VRTN: variants seen among roughly 807,000 people sequenced by gnomAD.
VRTN encodes vertebrae development associated, also known as vertnin.
A neutral mutation model predicts 18.2 loss-of-function variants in VRTN; 5 were observed. That is an observed-to-expected ratio of 0.27 (90% CI 0.14 to 0.58). The LOEUF is 0.58. VRTN is among the 20% of genes least tolerant of loss of function. The pLI, the probability that VRTN is intolerant of heterozygous loss-of-function variation, is 0.91. For synonymous variants in VRTN, 381 were observed against 393.7 expected, an observed-to-expected ratio of 0.97 and a Z score of 0.38; for missense variants, 741 against 939.4, an observed-to-expected ratio of 0.79 and a Z score of 2.76.
chr14:74,335,440 T>C (rs1372232471), intron 1 of VRTN, among the ~76,000 whole-genome samples: 1 of 152,200 alleles, frequency 6.6e-6, no homozygotes, highest in African/African-American at 2.4e-5. Context: ...ATTGGCTAGT[T>C]TGATCTAATC....
At chr14:74,335,327 A>C (rs966209090) in intron 1 of VRTN, among the ~76,000 whole-genome samples, 3 of 152,200 alleles carry the variant, frequency 2.0e-5, no homozygotes, top group Non-Finnish European at 4.4e-5. Flanking sequence ...AGACACATCC[A>C]ATAACCCTCA....
chr14:74,329,046 G>A (rs1235382153), intron 1 of VRTN, among the ~76,000 whole-genome samples: 1 of 152,146 alleles, frequency 6.6e-6, no homozygotes, highest in Non-Finnish European at 1.5e-5. Context: ...CGAGGAGGGC[G>A]GATCACCTGA....
intron 1 of VRTN, among the ~76,000 whole-genome samples, chr14:74,323,606 A>G (rs2085469505): frequency 6.6e-6 from 1 of 151,788 alleles, no homozygotes; most frequent in African/African-American, 2.4e-5. Context: ...CAAACCAACA[A>G]ACAAACAAAA....
Position 74,354,944 on chromosome 14 carries a change from C to T in VRTN, c.-1-1839C>T, listed in dbSNP as rs150268652. ...ATCATTTGAGGTCAGGAGTTTGAGA[C>T]CAGCCTGGCCAACATGGTGAAACCC... is the stretch of plus-strand genomic sequence containing the variant. On this transcript the variant is annotated intron_variant, in intron 1 of 1. Transcript: ENST00000256362. Among the ~76,000 whole-genome samples, 114 of 151,820 alleles carry T rather than the reference C, an allele frequency of 7.5e-4. 1 individual carries two copies. The highest frequency in any genetic ancestry group is 2.6e-3 in the African/African-American group (108 of 41,414).
chr14:74,306,165 TATATA>T lies in VRTN; in HGVS notation c.-164+2990_-164+2994del, dbSNP rs1184030436. The T allele has an allele frequency of 9.2e-3, 680 of 74,236 alleles. 11 individuals are homozygous for T. The highest frequency in any genetic ancestry group is 0.02 in the Middle Eastern group (2 of 102). The allele number at this position is 74,236 out of a possible 1,614,324, so 4.6% of individuals were successfully genotyped here. On this transcript the variant is annotated intron_variant, in intron 1 of 2. Transcript: ENST00000557177. ...ATATACATATATATATATATATATATATATATATTTTTTTTTTTTTTTTGAGACAG... is the reference window on the plus strand; with the variant it reads ...ATATACATATATATATATATATATATTATTTTTTTTTTTTTTTTGAGACAG...
intron 1 of VRTN, among the ~76,000 whole-genome samples, chr14:74,351,624 G>A (rs1331519731): frequency 6.6e-6 from 1 of 151,176 alleles, no homozygotes; most frequent in Non-Finnish European, 1.5e-5. Context: ...TGGGACTACA[G>A]GCACATGCTA....
At chr14:74,308,672 G>A (rs532416249) in intron 1 of VRTN, among the ~76,000 whole-genome samples, 2 of 152,026 alleles carry the variant, frequency 1.3e-5, no homozygotes, top group East Asian at 3.9e-4. Context: ...CCGCCACCAC[G>A]CACAGCTAAT....
intron 1 of VRTN, among the ~76,000 whole-genome samples, chr14:74,316,841 G>A (rs1253751398): frequency 6.6e-6 from 1 of 151,848 alleles, no homozygotes; most frequent in Non-Finnish European, 1.5e-5. Flanking sequence ...GTTTCACTGT[G>A]TTAGCCAGGA....
intron 1 of VRTN, among the ~76,000 whole-genome samples, chr14:74,354,025 C>T (rs766328056): frequency 1.1e-4 from 17 of 152,074 alleles, no homozygotes; most frequent in Non-Finnish European, 1.8e-4. Context: ...CTGCCTGCCT[C>T]GGCCTATCTT....
upstream of VRTN, among the ~76,000 whole-genome samples, chr14:74,344,674 G>T (rs2085630974): frequency 7.2e-6 from 1 of 138,382 alleles, no homozygotes; most frequent in Non-Finnish European, 1.5e-5. Context: ...GGCAGAGGTT[G>T]CAGTGAGCTG....
chr14:74,312,300 C>G (rs1464559144), intron 1 of VRTN, among the ~76,000 whole-genome samples: 2 of 152,144 alleles, frequency 1.3e-5, no homozygotes, highest in African/African-American at 2.4e-5. Flanking sequence ...AAGATAGGCT[C>G]CATATTTTGT....
At chr14:74,349,943 C>T (rs115341338) in intron 1 of VRTN, among the ~76,000 whole-genome samples, 374 of 152,218 alleles carry the variant, frequency 2.5e-3, no homozygotes, top group African/African-American at 8.4e-3. Flanking sequence ...GTGTGCCTTG[C>T]CTCCTTGGTT....
chr14:74,331,098 A>C (rs896843565), intron 1 of VRTN, among the ~76,000 whole-genome samples: 49 of 152,082 alleles, frequency 3.2e-4, no homozygotes, highest in Admixed American at 2.6e-3. Context: ...GCTACTCGGG[A>C]GGCTGAGGCA....
chr14:74,338,708 C>T (rs1427877755), intron 2 of VRTN, among the ~76,000 whole-genome samples: 1 of 151,672 alleles, frequency 6.6e-6, no homozygotes, highest in Non-Finnish European at 1.5e-5. Flanking sequence ...TTGCATGCCA[C>T]CACATTCAGC....
intron 1 of VRTN, among the ~76,000 whole-genome samples, chr14:74,329,486 A>G (rs2085508253): frequency 6.6e-6 from 1 of 150,596 alleles, no homozygotes. Flanking sequence ...CTGGTCTTGA[A>G]CTCCTGGGCT....
At chr14:74,324,838 G>T (rs529153961) in intron 1 of VRTN, among the ~76,000 whole-genome samples, 88 of 152,156 alleles carry the variant, frequency 5.8e-4, no homozygotes, top group African/African-American at 2.1e-3. Context: ...AGTGAGTTGA[G>T]ATCTCCCCAC....
intron 1 of VRTN, among the ~76,000 whole-genome samples, chr14:74,321,943 C>T (rs532521589): frequency 2.8e-4 from 43 of 152,172 alleles, no homozygotes; most frequent in East Asian, 1.2e-3. Flanking sequence ...CGGGTTTGAG[C>T]GATTTTCCTG....
intron 1 of VRTN, among the ~76,000 whole-genome samples, chr14:74,328,376 C>T (rs1595167523): frequency 6.6e-6 from 1 of 152,104 alleles, no homozygotes; most frequent in Non-Finnish European, 1.5e-5. Context: ...AAGTATGTAC[C>T]CAATGAATGA....
At chr14:74,314,737 A>T (rs907920749) in intron 1 of VRTN, among the ~76,000 whole-genome samples, 3 of 152,162 alleles carry the variant, frequency 2.0e-5, no homozygotes, top group Admixed American at 6.6e-5. Context: ...GATTCAGTGA[A>T]GCATGACAGC....
Sources: allele counts gnomAD v4.1 joint callset (sites outside exome capture counted in the v4.1 genomes callset), GRCh38; gene constraint gnomAD v4.1.1; transcripts MANE v1.5; gene names NCBI Gene and HGNC (gene_info 2026-07-23, HGNC 2026-07-21).